The following TMEM196 variants were observed in gnomAD, a reference collection of about 807,000 sequenced individuals.
TMEM196 encodes transmembrane protein 196.
Under a neutral mutation model 20.0 loss-of-function variants are expected in TMEM196, and 17 were observed. The ratio of observed to expected loss-of-function variants is 0.85; its 90% CI spans 0.58 to 1.27. TMEM196 has a LOEUF of 1.27. Among genes scored for constraint, TMEM196 ranks in the 50% most tolerant of loss-of-function variants. The pLI is 0.00. For missense variants in TMEM196, 267 were observed against 223.0 expected, an observed-to-expected ratio of 1.20 and a Z score of -1.26; for synonymous variants, 113 against 88.9, an observed-to-expected ratio of 1.27 and a Z score of -1.52.
At position 19,721,846 on chromosome 7, in the gene TMEM196, A is replaced by T; in HGVS notation, c.*282T>A. 2.2e-6 allele frequency: 1 copy of T among 451,626 alleles called. No homozygotes were observed. Among genetic ancestry groups the T allele is most frequent in the Non-Finnish European group, 3.9e-6 (1 of 257,918 alleles). The allele number at this position is 451,626 out of a possible 1,614,324, so 28.0% of individuals were successfully genotyped here. On this transcript the variant is annotated 3_prime_UTR_variant, in exon 5 of 5. Transcript: ENST00000405844. Reference sequence around the variant, plus strand: ...TTCCTGAAAAGTCTTCTTTAGAACAATCTGGAAAGCCTCTTGAAATTATTG... The same window carrying T: ...TTCCTGAAAAGTCTTCTTTAGAACATTCTGGAAAGCCTCTTGAAATTATTG...
chr7:19,734,842 G>A (rs531474688), intron 1 of TMEM196, among the ~76,000 whole-genome samples: 70 of 152,184 alleles, frequency 4.6e-4, no homozygotes, highest in African/African-American at 1.6e-3. Flanking sequence ...ACTAATACAG[G>A]CTCAAAAATA....
At chr7:19,735,997 C>A (rs542711974) in intron 1 of TMEM196, among the ~76,000 whole-genome samples, 2 of 152,060 alleles carry the variant, frequency 1.3e-5, no homozygotes, top group South Asian at 4.1e-4. Flanking sequence ...CAGGAAAACA[C>A]ACAGACAAAT....
At chr7:19,729,913 A>G (rs1470805095) in intron 1 of TMEM196, among the ~76,000 whole-genome samples, 1 of 152,214 alleles carries the variant, frequency 6.6e-6, no homozygotes, top group Non-Finnish European at 1.5e-5. Context: ...TGGTACAATG[A>G]CAACCTCCTT....
chr7:19,761,654 T>C (rs923180571), intron 1 of TMEM196, among the ~76,000 whole-genome samples: 7 of 152,278 alleles, frequency 4.6e-5, no homozygotes, highest in Admixed American at 1.3e-4. Flanking sequence ...AAAGAATAGT[T>C]TCATGGTGTT....
In TMEM196 at chr7:19,724,342, A is replaced by G. The variant is rs1167408258; in HGVS notation, c.471T>C (p.Ala157=). The change falls in exon 4 of 5, where the codon GCT becomes GCC. Residue 157 remains alanine (A), a synonymous_variant. Transcript: ENST00000405844. ...SHEMAEKRLR[A]IEITDLPSCP... The stretch of plus-strand genomic sequence containing the variant: ...AGCTGGGCAAGTCGGTTATTTCAAT[A>G]GCCCTCAATCTCTAATGTAAATATA... 6.5e-7 allele frequency: 1 copy of G among 1,550,348 alleles called. No individual in the cohort carries two copies.
intron 4 of TMEM196, among the ~76,000 whole-genome samples, chr7:19,722,951 T>C (rs1783862035): frequency 6.6e-6 from 1 of 152,128 alleles, no homozygotes; most frequent in Admixed American, 6.6e-5. Flanking sequence ...AGTAAAATTA[T>C]GTTGATAAAA....
At chr7:19,766,045 C>A (rs1484052129) in intron 1 of TMEM196, among the ~76,000 whole-genome samples, 1 of 152,132 alleles carries the variant, frequency 6.6e-6, no homozygotes, top group Non-Finnish European at 1.5e-5. Context: ...AGGCCCAGAA[C>A]TAGCAGCTTT....
At chr7:19,735,175 A>G (rs1352875292) in intron 1 of TMEM196, among the ~76,000 whole-genome samples, 1 of 152,196 alleles carries the variant, frequency 6.6e-6, no homozygotes. Context: ...TAAATTATAG[A>G]TCAGAAAACT....
chr7:19,727,921 AT>A (rs903612861), intron 2 of TMEM196, among the ~76,000 whole-genome samples: 20 of 151,642 alleles, frequency 1.3e-4, no homozygotes, highest in South Asian at 2.1e-4. Context: ...TTGGAGTGAA[AT>A]TTTTTTTTAA....
intron 1 of TMEM196, among the ~76,000 whole-genome samples, chr7:19,760,234 A>G (rs1259931298): frequency 1.3e-5 from 2 of 151,018 alleles, no homozygotes; most frequent in Non-Finnish European, 2.9e-5. Context: ...TCTTCCCTCT[A>G]TATGTCTGAC....
At chr7:19,757,337 C>CTTTTTTTTTTTTTTTTT (rs59859025) in intron 1 of TMEM196, among the ~76,000 whole-genome samples, 14 of 70,870 alleles carry the variant, frequency 2.0e-4, no homozygotes, top group East Asian at 5.5e-4. Context: ...CCACACCCAG[C>CTTTTTTTTTTTTTTTTT]TTTTTTTTTT....
chr7:19,722,093 T>TA lies in TMEM196; in HGVS notation c.*34dup. ...ACATTGATTACACTCTTCCATTAAA[T>TA]ATCAGCTGTGGTCCTCCATTGCTCA... On this transcript the variant is annotated 3_prime_UTR_variant, in exon 5 of 5. Coordinates refer to ENST00000405844, the MANE Select transcript of TMEM196 (RefSeq NM_001363562.2). 6.2e-7 allele frequency: 1 copy of TA among 1,610,490 alleles called. No individual in the cohort carries two copies.
intron 1 of TMEM196, among the ~76,000 whole-genome samples, chr7:19,755,239 A>G: frequency 6.6e-6 from 1 of 152,236 alleles, no homozygotes; most frequent in Non-Finnish European, 1.5e-5. Context: ...TGCCCTGATC[A>G]TACTTTTTGG....
chr7:19,760,352 C>CTTTTTTTTTTTTTTTTTTTTT (rs55646735), intron 1 of TMEM196, among the ~76,000 whole-genome samples: 1 of 92,164 alleles, frequency 1.1e-5, no homozygotes, highest in African/African-American at 4.6e-5. Flanking sequence ...ATATATTTTC[C>CTTTTTTTTTTTTTTTTTTTTT]TTTTTTTTTT....
At chr7:19,725,241 A>C (rs1207651892) in intron 3 of TMEM196, among the ~76,000 whole-genome samples, 1 of 152,232 alleles carries the variant, frequency 6.6e-6, no homozygotes, top group Non-Finnish European at 1.5e-5. Flanking sequence ...ATAATACATA[A>C]AAATCCATAT....
chr7:19,748,180 T>A (rs1413428168), intron 1 of TMEM196, among the ~76,000 whole-genome samples: 1 of 142,296 alleles, frequency 7.0e-6, no homozygotes. Flanking sequence ...CGTTTTCCTT[T>A]ATAACAAAGT....
intron 1 of TMEM196, among the ~76,000 whole-genome samples, chr7:19,751,681 A>G (rs1784966174): frequency 6.6e-6 from 1 of 152,242 alleles, no homozygotes; most frequent in African/African-American, 2.4e-5. Flanking sequence ...AATAATTATT[A>G]TTAAAATTTT....
At chr7:19,757,386 CA>C (rs1330927908) in intron 1 of TMEM196, among the ~76,000 whole-genome samples, 3 of 95,286 alleles carry the variant, frequency 3.1e-5, no homozygotes, top group African/African-American at 4.3e-5. Context: ...GATGGGGTTT[CA>C]CCAGTTGAGA....
intron 1 of TMEM196, among the ~76,000 whole-genome samples, chr7:19,768,507 A>G (rs1237860171): frequency 6.6e-6 from 1 of 152,126 alleles, no homozygotes; most frequent in Non-Finnish European, 1.5e-5. Flanking sequence ...AGTGACTTTC[A>G]CACAGCAACT....
Sources: gnomAD v4.1 joint callset for allele counts (sites outside exome capture counted in the v4.1 genomes callset) on GRCh38, gnomAD v4.1.1 for gene constraint, MANE v1.5 for transcripts, NCBI Gene and HGNC (gene_info 2026-07-23, HGNC 2026-07-21) for gene names.